Variants in CDYL2 observed in about 807,000 individuals in gnomAD.
CDYL2 encodes the protein chromodomain Y-like protein 2.
A neutral mutation model predicts 49.4 loss-of-function variants in CDYL2; 23 were observed. The observed-to-expected ratio is 0.47, with a 90% CI of 0.34 to 0.66. CDYL2 has a LOEUF of 0.66. Among genes scored for constraint, CDYL2 ranks in the 30% least tolerant of loss-of-function variants. CDYL2 has a pLI of 0.01. For missense variants in CDYL2, 678 were observed against 656.4 expected (o/e 1.03, Z -0.36); for synonymous variants, 360 against 268.8 (o/e 1.34, Z -3.32).
intron 5 of CDYL2, among the ~76,000 whole-genome samples, chr16:80,609,650 C>T (rs1167266960): frequency 1.3e-5 from 2 of 152,148 alleles, no homozygotes; most frequent in Admixed American, 6.5e-5. Context: ...GATTCAGATC[C>T]ACTGGAAGCT....
At chr16:80,688,625 CAG>C (rs1442985138) in intron 1 of CDYL2, among the ~76,000 whole-genome samples, 2 of 152,282 alleles carry the variant, frequency 1.3e-5, no homozygotes, top group African/African-American at 4.8e-5. Flanking sequence ...ACAAAAAACT[CAG>C]GGGAAAGCTG....
intron 1 of CDYL2, among the ~76,000 whole-genome samples, chr16:80,711,455 T>C (rs1227226773): frequency 6.6e-6 from 1 of 152,190 alleles, no homozygotes; most frequent in Non-Finnish European, 1.5e-5. Context: ...GAGCGTCCTG[T>C]TTTTATTAAC....
At chr16:80,679,257 TATA>T (rs1381823860) in intron 2 of CDYL2, among the ~76,000 whole-genome samples, 2 of 146,992 alleles carry the variant, frequency 1.4e-5, no homozygotes, top group African/African-American at 5.1e-5. Flanking sequence ...AAACTTAAAG[TATA>T]ATAATAAAAA....
chr16:80,714,934 A>G (rs1904745394), intron 1 of CDYL2, among the ~76,000 whole-genome samples: 1 of 152,076 alleles, frequency 6.6e-6, no homozygotes, highest in Non-Finnish European at 1.5e-5. Flanking sequence ...CTGTCCCCCC[A>G]AGTAGGATGT....
intron 1 of CDYL2, among the ~76,000 whole-genome samples, chr16:80,703,153 G>C (rs1281123669): frequency 6.6e-6 from 1 of 152,316 alleles, no homozygotes; most frequent in East Asian, 1.9e-4. Flanking sequence ...TGGGCAAAAA[G>C]AGAGGTGGAG....
At chr16:80,678,988 C>G (rs1396133021) in intron 2 of CDYL2, among the ~76,000 whole-genome samples, 1 of 150,726 alleles carries the variant, frequency 6.6e-6, no homozygotes, top group Non-Finnish European at 1.5e-5. Flanking sequence ...TGGAAATCAT[C>G]ATTCTCAGTA....
chr16:80,611,410 A>C (rs933649370), intron 5 of CDYL2, among the ~76,000 whole-genome samples: 2 of 152,126 alleles, frequency 1.3e-5, no homozygotes, highest in African/African-American at 2.4e-5. Flanking sequence ...CTGAATTCAG[A>C]GTTTGTGGCT....
chr16:80,760,528 G>T (rs901223938), intron 1 of CDYL2, among the ~76,000 whole-genome samples: 5 of 151,910 alleles, frequency 3.3e-5, no homozygotes, highest in African/African-American at 9.7e-5. Flanking sequence ...TTGAGGGAAT[G>T]GATTCCCCAT....
Position 80,783,052 on chromosome 16 carries a change from T to C in CDYL2, c.24+21098A>G, listed in dbSNP as rs76570993. On this transcript the variant is annotated intron_variant, in intron 1 of 6. Coordinates refer to ENST00000570137, the MANE Select transcript of CDYL2 (RefSeq NM_152342.4). ...AGAAAACACAGATACAGTAGAATTC[T>C]TTAAAACTACAATTTGTGTGCATCA... Among the ~76,000 whole-genome samples, 81 of 152,228 alleles carry C rather than the reference T, an allele frequency of 5.3e-4. 1 individual carries two copies. The highest frequency in any genetic ancestry group is 1.9e-3 in the African/African-American group (80 of 41,562).
chr16:80,788,544 G>A (rs554408062), intron 1 of CDYL2, among the ~76,000 whole-genome samples: 10 of 152,344 alleles, frequency 6.6e-5, no homozygotes, highest in Non-Finnish European at 1.3e-4. Context: ...CTGGGATTCT[G>A]TGGAAAGCAC....
At chr16:80,708,522 A>G (rs1904481197) in intron 1 of CDYL2, among the ~76,000 whole-genome samples, 1 of 152,170 alleles carries the variant, frequency 6.6e-6, no homozygotes, top group African/African-American at 2.4e-5. Flanking sequence ...ACTAGCAGTT[A>G]TGAGAATGAA....
Position 80,603,118 on chromosome 16 carries a change from A to G in CDYL2, c.*1270T>C, listed in dbSNP as rs8063688. 0.52 allele frequency: 79,216 copies of G among 152,004 alleles called. 23,894 individuals carry two copies. The highest frequency in any genetic ancestry group is 0.84 in the African/African-American group (34,811 of 41,462). The allele number at this position is 152,004 out of a possible 1,614,324, so 9.4% of individuals were successfully genotyped here. ...ACAGATGAGTCATTTCAGCTTCTGG[A>G]GGGAAAAGATTCAGACCTCCAGACA... On this transcript the variant is annotated 3_prime_UTR_variant, in exon 7 of 7. Transcript: ENST00000570137.
chr16:80,675,151 T>C (rs1909690866), intron 2 of CDYL2, among the ~76,000 whole-genome samples: 1 of 152,228 alleles, frequency 6.6e-6, no homozygotes. Context: ...AACAATGCCC[T>C]TGGCATCTGG....
Position 80,604,554 on chromosome 16 carries a change from G to C in CDYL2, c.1363-8C>G, listed in dbSNP as rs746366832. On this transcript the variant is annotated splice_region_variant and splice_polypyrimidine_tract_variant and intron_variant, in intron 6 of 6. Transcript: ENST00000570137. ...TTTGGACTCCTCTAACACCTAGAGG[G>C]AAATAGACAGGCCTGATTAGCCGGG... 9 of 1,613,982 alleles carry C rather than the reference G, an allele frequency of 5.6e-6. No individual in the cohort carries two copies. Among genetic ancestry groups the C allele is most frequent in the Non-Finnish European group, 7.6e-6 (9 of 1,179,934 alleles).
intron 2 of CDYL2, among the ~76,000 whole-genome samples, chr16:80,650,967 G>A (rs1285698755): frequency 1.7e-5 from 2 of 115,732 alleles, no homozygotes; most frequent in African/African-American, 6.6e-5. Flanking sequence ...CCAGGGGCTG[G>A]GAAGGGCGGG....
intron 2 of CDYL2, among the ~76,000 whole-genome samples, chr16:80,666,352 T>G (rs1909261893): frequency 6.6e-6 from 1 of 152,196 alleles, no homozygotes; most frequent in Non-Finnish European, 1.5e-5. Context: ...TGTCCTATGT[T>G]ACCATCAAGG....
intron 1 of CDYL2, among the ~76,000 whole-genome samples, chr16:80,748,536 A>C (rs944982479): frequency 2.8e-5 from 4 of 144,650 alleles, no homozygotes; most frequent in Admixed American, 6.9e-5. Context: ...AAAAAAAAAA[A>C]AAAACTCAGG....
At chr16:80,711,656 A>C (rs1431866049) in intron 1 of CDYL2, among the ~76,000 whole-genome samples, 1 of 152,142 alleles carries the variant, frequency 6.6e-6, no homozygotes, top group African/African-American at 2.4e-5. Context: ...CATCTTCAGA[A>C]ATGTAGGGAT....
chr16:80,757,692 CATA>C (rs1906361829), intron 1 of CDYL2, among the ~76,000 whole-genome samples: 1 of 151,254 alleles, frequency 6.6e-6, no homozygotes, highest in East Asian at 1.9e-4. Flanking sequence ...AAGGTATATT[CATA>C]ATAACAACAA....
Sources: gnomAD v4.1 joint callset for allele counts (sites outside exome capture counted in the v4.1 genomes callset) on GRCh38, gnomAD v4.1.1 for gene constraint, MANE v1.5 for transcripts, NCBI Gene and HGNC (gene_info 2026-07-23, HGNC 2026-07-21) for gene names.